Variants in KRIT1 observed in about 807,000 individuals in gnomAD.
The protein encoded by KRIT1 is KRIT1 ankyrin repeat containing.
Under a neutral mutation model 95.8 loss-of-function variants are expected in KRIT1, and 45 were observed. The observed-to-expected ratio is 0.47, with a 90% CI of 0.37 to 0.60. The LOEUF (loss-of-function observed/expected upper bound fraction) is 0.60. Ranked by LOEUF, KRIT1 falls within the 20% of genes least tolerant of loss-of-function variation. The probability of loss-of-function intolerance (pLI) is 0.00; values close to 1 mark genes in which losing one functional copy is unlikely to be tolerated. For synonymous variants in KRIT1, 282 were observed against 278.8 expected (o/e 1.01, Z -0.11); for missense variants, 788 against 877.5 (o/e 0.90, Z 1.29).
chr7:92,242,204 A>C, intron 3 of KRIT1, 67 bp from the exon 4 acceptor site: 1 of 879,706 alleles, frequency 1.1e-6, no homozygotes, highest in Non-Finnish European at 1.9e-6. Context: ...AGATAAAAAA[A>C]AGTAATGCAT....
intron 12 of KRIT1, among the ~76,000 whole-genome samples, chr7:92,224,153 G>A (rs1795739523): frequency 6.6e-6 from 1 of 150,572 alleles, no homozygotes; most frequent in African/African-American, 2.4e-5. Flanking sequence ...TCAGCACTTT[G>A]TCATGTTAAA....
At chr7:92,221,088 T>C (rs1664314007) in intron 14 of KRIT1, among the ~76,000 whole-genome samples, 1 of 152,190 alleles carries the variant, frequency 6.6e-6, no homozygotes, top group Non-Finnish European at 1.5e-5. Context: ...TTTCATCAAA[T>C]GTAAATACTA....
At chr7:92,203,263 T>C (rs1271845900) in intron 17 of KRIT1, among the ~76,000 whole-genome samples, 5 of 152,244 alleles carry the variant, frequency 3.3e-5, no homozygotes, top group Non-Finnish European at 5.9e-5. Flanking sequence ...GCTAAGCTTG[T>C]TGAATGCAAT....
At chr7:92,244,200 T>C (rs1800326773) in intron 2 of KRIT1, 51 bp from the exon 3 acceptor site, 1 of 152,198 alleles carries the variant, frequency 6.6e-6, no homozygotes. Context: ...CTGTATGATA[T>C]ATGGGCACAA....
rs73407587 is a variant in KRIT1 at position 92,235,016 on chromosome 7, T to G, written c.730-93A>C. ...TTTTAAATTTTTACTTATTTATTTA[T>G]TGAGAATGAGTCTTGCTCTGTTGCC... is the stretch of plus-strand genomic sequence containing the variant. On this transcript the variant is annotated intron_variant, in intron 8 of 18. Coordinates refer to ENST00000394505, the MANE Select transcript of KRIT1 (RefSeq NM_194454.3). The G allele has an allele frequency of 1.1e-5, 8 of 717,088 alleles. No homozygotes were observed. The African/African-American group carries it at 1.4e-4, about 13-fold the overall frequency. 44.4% of individuals were successfully genotyped at this position (717,088 alleles called of 1,614,324 possible).
At chr7:92,206,750 CAAAAA>C (rs1431043708) in intron 17 of KRIT1, 3 of 151,270 alleles carry the variant, frequency 2.0e-5, no homozygotes, top group African/African-American at 7.3e-5. Flanking sequence ...AAATGCCTAA[CAAAAA>C]AATCAAAATG....
chr7:92,245,996 C>G (rs28365965), upstream of KRIT1: 1 of 234,798 alleles, frequency 4.3e-6, no homozygotes, highest in South Asian at 4.4e-5. Flanking sequence ...GGGCTGCTGC[C>G]GTTCCTGCTC....
At chr7:92,217,489 G>A (rs1377581475) in intron 14 of KRIT1, among the ~76,000 whole-genome samples, 2 of 151,558 alleles carry the variant, frequency 1.3e-5, no homozygotes, top group Non-Finnish European at 2.9e-5. Context: ...TTATGCCTTT[G>A]CCTATTCTAG....
chr7:92,208,364 A>G (rs1792021095), intron 17 of KRIT1, among the ~76,000 whole-genome samples: 1 of 151,914 alleles, frequency 6.6e-6, no homozygotes, highest in Non-Finnish European at 1.5e-5. Context: ...ACCAGAACTA[A>G]AAGAAAGAAA....
In KRIT1 at chr7:92,214,777, T is replaced by C. The variant is rs149975731; in HGVS notation, c.1564A>G (p.Ile522Val). ...VRLPLEVEKQ[I>V]EDPLAILILF... ...ATAAGAATAGCTAGTGGGTCTTCAA[T>C]CTTAAAGGAAAAAGTATAATTTGGT... Residue 522 changes from isoleucine (I) to valine (V), a missense_variant and splice_region_variant, in exon 15 of 19, where the codon ATT (isoleucine) becomes GTT (valine). Around this residue, in one of 3 missense-constraint regions of KRIT1, gnomAD observed 493 missense variants for 582.3 expected, o/e 0.85. Coordinates refer to ENST00000394505, the MANE Select transcript of KRIT1 (RefSeq NM_194454.3). The C allele has an allele frequency of 2.5e-5, 40 of 1,588,198 alleles. No homozygotes were observed. The highest frequency in any genetic ancestry group is 3.2e-5 in the Non-Finnish European group (37 of 1,156,964).
chr7:92,235,660 A>C lies in KRIT1; in HGVS notation c.486-14T>G. The C allele has an allele frequency of 6.2e-7, 1 of 1,613,418 alleles. No individual in the cohort carries two copies. Among genetic ancestry groups the C allele is most frequent in the East Asian group, 2.2e-5 (1 of 44,824 alleles). The stretch of plus-strand genomic sequence containing the variant: ...TCATCTAACCACCTGGCAAAATAAA[A>C]AAACAGGTAGAAGTAGCCATTCGAA... On this transcript the variant is annotated splice_polypyrimidine_tract_variant and intron_variant, in intron 7 of 18. Transcript: ENST00000394505.
chr7:92,199,103 T>C (rs1488604052), downstream of KRIT1: 3 of 152,178 alleles, frequency 2.0e-5, no homozygotes, highest in Non-Finnish European at 4.4e-5. Context: ...AAATTAAGAT[T>C]TGAAGTTCAG....
intron 12 of KRIT1, among the ~76,000 whole-genome samples, chr7:92,223,194 C>T (rs1270484459): frequency 2.6e-5 from 4 of 151,218 alleles, no homozygotes; most frequent in Non-Finnish European, 5.9e-5. Flanking sequence ...CTTTGGGAGG[C>T]CGAGGCGGGC....
intron 14 of KRIT1, among the ~76,000 whole-genome samples, chr7:92,220,409 TGA>T (rs1328662878): frequency 2.0e-5 from 3 of 152,146 alleles, no homozygotes; most frequent in Non-Finnish European, 4.4e-5. Context: ...TATATTTGGC[TGA>T]GAGGATCTAC....
intron 10 of KRIT1, among the ~76,000 whole-genome samples, chr7:92,228,446 T>G (rs1796642297): frequency 6.6e-6 from 1 of 152,198 alleles, no homozygotes; most frequent in Admixed American, 6.5e-5. Context: ...TTTTTAGAAC[T>G]GATTTTCCAT....
chr7:92,213,911 C>A lies in KRIT1; in HGVS notation c.1799G>T (p.Arg600Leu). The A allele has an allele frequency of 6.2e-7, 1 of 1,601,260 alleles. No individual in the cohort carries two copies. ...LKSKAPHWTN[R>L]ILHEYKNLST... The stretch of plus-strand genomic sequence containing the variant: ...GCTTACCTTGTATTCATGAAGTATG[C>A]GATTTGTCCAGTGAGGTGCCTTACT... Residue 600 changes from arginine (R) to leucine (L), a missense_variant, in exon 16 of 19, where the codon CGC becomes CTC. Transcript: ENST00000394505.
intron 3 of KRIT1, among the ~76,000 whole-genome samples, chr7:92,243,440 T>C (rs952835918): frequency 1.4e-4 from 21 of 152,192 alleles, no homozygotes; most frequent in Non-Finnish European, 2.2e-4. Flanking sequence ...CTTTCTTCAG[T>C]TTTTTAAAAA....
chr7:92,243,806 A>G (rs1252206623), intron 3 of KRIT1, among the ~76,000 whole-genome samples, 196 bp downstream of exon 3: 1 of 152,160 alleles, frequency 6.6e-6, no homozygotes, highest in Non-Finnish European at 1.5e-5. Context: ...TTTATTTTAA[A>G]TTCTAAAACT....
intron 17 of KRIT1, 105 bp downstream of exon 17, chr7:92,213,090 A>G: frequency 1.3e-6 from 1 of 742,008 alleles, no homozygotes; most frequent in South Asian, 1.5e-5. Flanking sequence ...ATGAGTTGCA[A>G]TGAACAGTCT....
Sources: allele counts gnomAD v4.1 joint callset (sites outside exome capture counted in the v4.1 genomes callset), GRCh38; gene constraint gnomAD v4.1.1; regional missense constraint gnomAD v4.1.1; transcripts MANE v1.5; gene names NCBI Gene and HGNC (gene_info 2026-07-23, HGNC 2026-07-21).